The following SRA1 variants were observed in gnomAD, a reference collection of about 807,000 sequenced individuals.
The protein encoded by SRA1 is lncRNA SRA.
Under a neutral mutation model 24.3 loss-of-function variants are expected in SRA1, and 25 were observed. The ratio of observed to expected loss-of-function variants is 1.03; its 90% confidence interval spans 0.75 to 1.43. SRA1 has a LOEUF of 1.43. SRA1 is among the 40% of genes most tolerant of loss of function. The probability of loss-of-function intolerance (pLI) is 0.00; values close to 1 mark genes in which losing one functional copy is unlikely to be tolerated. For synonymous variants in SRA1, 104 were observed against 109.5 expected (o/e 0.95, Z 0.31); for missense variants, 303 against 286.6 (o/e 1.06, Z -0.41).
In SRA1 at chr5:140,551,345, G is replaced by A. The variant is rs1754555836; in HGVS notation, c.355-176C>T. The A allele has an allele frequency of 5.2e-6, 3 of 572,186 alleles. No homozygotes were observed. In the South Asian group the frequency reaches 6.9e-5, roughly 13 times the overall value. 35.4% of individuals were successfully genotyped at this position (572,186 alleles called of 1,614,324 possible). ...AAACTGATGAAACCTTCCTTTCCCT[G>A]CTGTCTTCTTCTGACACTGCCTGAT... On this transcript the variant is annotated intron_variant, in intron 3 of 4. Transcript: ENST00000336283.
chr5:140,557,579 AC>A, upstream of SRA1: 1 of 1,166,418 alleles, frequency 8.6e-7, no homozygotes, highest in Non-Finnish European at 1.2e-6. Context: ...CTGGTTCACA[AC>A]CGTCGGGAGC....
upstream of SRA1, chr5:140,557,552 T>C (rs1754764076): frequency 2.1e-6 from 3 of 1,410,302 alleles, no homozygotes; most frequent in Non-Finnish European, 2.9e-6. Context: ...GTTGCCGGAA[T>C]CCGTGGAGGA....
chr5:140,557,546 C>T (rs1477018568), upstream of SRA1: 8 of 1,444,544 alleles, frequency 5.5e-6, no homozygotes, highest in African/African-American at 2.8e-5. Context: ...AGGCGGGTTG[C>T]CGGAATCCGT....
chr5:140,557,098 C>T (rs1325095138), intron 2 of SRA1, 49 bp downstream of exon 2: 8 of 162,802 alleles, frequency 4.9e-5, no homozygotes, highest in Admixed American at 2.7e-4. Flanking sequence ...GCCTTACACC[C>T]CCCCCCCCCC....
intron 2 of SRA1, among the ~76,000 whole-genome samples, chr5:140,552,458 G>A (rs1754592261): frequency 6.6e-6 from 1 of 152,114 alleles, no homozygotes; most frequent in Non-Finnish European, 1.5e-5. Flanking sequence ...TTCAAGACCA[G>A]CCTGGCCAAC....
chr5:140,557,288 A>T lies in SRA1; in HGVS notation c.26-16T>A. 1 of 1,609,370 alleles carries T rather than the reference A, an allele frequency of 6.2e-7. No homozygotes were observed. The highest frequency in any genetic ancestry group is 2.2e-5 in the East Asian group (1 of 44,868). ...TCCTTGTTGCCTGCGGAGGCGAGGG[A>T]TGTGTGAAGCGAGCCCGGAACTCCA... On this transcript the variant is annotated splice_polypyrimidine_tract_variant and intron_variant, in intron 1 of 4. Coordinates refer to ENST00000336283, the MANE Select transcript of SRA1 (RefSeq NM_001035235.4).
chr5:140,556,314 G>A (rs912971408), intron 2 of SRA1, among the ~76,000 whole-genome samples: 2 of 152,174 alleles, frequency 1.3e-5, no homozygotes, highest in East Asian at 3.9e-4. Context: ...TTAATGGCTT[G>A]GAAAATTCTC....
chr5:140,556,131 A>G (rs1231680792), intron 2 of SRA1, among the ~76,000 whole-genome samples: 1 of 152,246 alleles, frequency 6.6e-6, no homozygotes, highest in African/African-American at 2.4e-5. Context: ...TGATTAACAT[A>G]AGACACAGGA....
At chr5:140,554,571 T>C (rs901497018) in intron 2 of SRA1, among the ~76,000 whole-genome samples, 1 of 147,958 alleles carries the variant, frequency 6.8e-6, no homozygotes, top group African/African-American at 2.4e-5. Flanking sequence ...CTCTCTTGTC[T>C]TCTCTAGACT....
intron 3 of SRA1, 132 bp from the exon 4 acceptor site, chr5:140,551,301 G>T (rs1754554836): frequency 1.6e-6 from 1 of 641,278 alleles, no homozygotes. Flanking sequence ...TTTACCCAAA[G>T]ATTAGAGGCC....
At chr5:140,550,961 A>G in intron 4 of SRA1, 50 bp from the exon 5 acceptor site, 1 of 1,584,176 alleles carries the variant, frequency 6.3e-7, no homozygotes, top group Non-Finnish European at 8.7e-7. Flanking sequence ...AAGAGCTTCC[A>G]TGCCTCCCCT....
rs578153128 is a variant in SRA1, at chr5:140,550,609, G to C, written c.*91C>G. 3.8e-6 allele frequency: 5 copies of C among 1,300,404 alleles called. No individual in the cohort carries two copies. Among genetic ancestry groups the C allele is most frequent in the Admixed American group, 1.7e-5 (1 of 57,686 alleles). The allele number at this position is 1,300,404 out of a possible 1,614,324, so 80.6% of individuals were successfully genotyped here. ...CTCATAGGTGGGTCAGGCCCAGTGG[G>C]ACAGTCTTGGTGGTGGTAAGAAGGG... On this transcript the variant is annotated 3_prime_UTR_variant, in exon 5 of 5. Transcript: ENST00000336283.
In SRA1 at chr5:140,552,044, C is replaced by CG. The variant is rs5871740; in HGVS notation, c.291_292insC (p.Val98ArgfsTer26). ...AAAGGTCTCAGCACATCCTCCATCA[C>CG]AGCCTCAGACTCGACTGGGAAACTT... On this transcript the variant is annotated frameshift_variant, in exon 3 of 5. Transcript: ENST00000336283. LOFTEE classifies it high-confidence loss of function. 734,938 of 1,606,474 alleles carry CG rather than the reference C, an allele frequency of 0.46. 171,671 individuals are homozygous for CG. Among genetic ancestry groups the CG allele is most frequent in the East Asian group, 0.54 (24,154 of 44,486 alleles).
chr5:140,550,940 G>A, intron 4 of SRA1, 29 bp from the exon 5 acceptor site: 2 of 1,607,430 alleles, frequency 1.2e-6, no homozygotes, highest in Middle Eastern at 3.3e-4. Flanking sequence ...TGAGCAAGCA[G>A]CCTGTGGTAC....
At chr5:140,557,712 T>C, upstream of SRA1, 1 of 562,872 alleles carries the variant, frequency 1.8e-6, no homozygotes, top group Non-Finnish European at 3.1e-6. Context: ...CTAGGAGGCC[T>C]CATCCTCTCA....
Position 140,550,894 on chromosome 5 carries a change from A to C in SRA1, c.481T>G (p.Trp161Gly), listed in dbSNP as rs1322565759. 2 of 1,614,124 alleles carry C rather than the reference A, an allele frequency of 1.2e-6. No homozygotes were observed. The highest frequency in any genetic ancestry group is 8.5e-7 in the Non-Finnish European group (1 of 1,180,014). Residue 161 changes from tryptophan to glycine, a missense_variant, in exon 5 of 5, where the codon TGG (tryptophan) becomes GGG (glycine). Transcript: ENST00000336283. ...LLVQELSSHR[W>G]DAADDIHRSL... Reference sequence around the variant, plus strand: ...CGGTGGATGTCATCTGCTGCGTCCCACCGGTGGCTTGAAAGCTCTGAAGAG... The same window carrying C: ...CGGTGGATGTCATCTGCTGCGTCCCCCCGGTGGCTTGAAAGCTCTGAAGAG...
Position 140,550,535 on chromosome 5 carries a change from T to C in SRA1, c.*165A>G. 1.5e-6 allele frequency: 1 copy of C among 662,746 alleles called. No homozygotes were observed. The highest frequency in any genetic ancestry group is 2.7e-6 in the Non-Finnish European group (1 of 371,304). The allele number at this position is 662,746 out of a possible 1,614,324, so 41.1% of individuals were successfully genotyped here. A position where few individuals can be genotyped will look rare whatever the true frequency, so the allele number is the denominator to read the frequency against. On this transcript the variant is annotated 3_prime_UTR_variant, in exon 5 of 5. Transcript: ENST00000336283. ...GCAGAGATGTTTTTATTGAAATGCATGTTATGAGTAACACATGAACTCCCT... is the reference window on the plus strand; with the variant it reads ...GCAGAGATGTTTTTATTGAAATGCACGTTATGAGTAACACATGAACTCCCT...
intron 3 of SRA1, chr5:140,551,501 C>T (rs1216148963): frequency 3.7e-6 from 1 of 266,828 alleles, no homozygotes; most frequent in Non-Finnish European, 7.1e-6. Context: ...AGAAGCTCAT[C>T]CTGTAGCGTT....
rs35895842 is a variant in SRA1, at chr5:140,556,628, C to G, written c.151+519G>C. 6.5e-3 allele frequency among the ~76,000 whole-genome samples: 995 copies of G among 152,130 alleles called. 7 individuals carry two copies. The highest frequency in any genetic ancestry group is 0.021 in the African/African-American group (856 of 41,504). On this transcript the variant is annotated intron_variant, in intron 2 of 4. Coordinates refer to ENST00000336283, the MANE Select transcript of SRA1 (RefSeq NM_001035235.4). The stretch of plus-strand genomic sequence containing the variant: ...CCCTCACCACTATTTCATCTTTCAG[C>G]CCATCTCCAGTGCTGCAACGTGGAC...
Sources: allele counts gnomAD v4.1 joint callset (sites outside exome capture counted in the v4.1 genomes callset), GRCh38; gene constraint gnomAD v4.1.1; transcripts MANE v1.5; gene names NCBI Gene and HGNC (gene_info 2026-07-23, HGNC 2026-07-21).